Variants in HDAC9 observed in about 807,000 individuals in gnomAD.
HDAC9 encodes the protein histone deacetylase 9, also known as MEF-2 interacting transcription repressor (MITR) protein.
A neutral mutation model predicts 139.4 loss-of-function variants in HDAC9; 41 were observed. The ratio of observed to expected loss-of-function variants is 0.29; its 90% CI spans 0.23 to 0.38. HDAC9 has a LOEUF of 0.38. Among genes scored for constraint, HDAC9 ranks in the 10% least tolerant of loss-of-function variants. HDAC9 has a pLI of 1.00. For synonymous variants in HDAC9, 517 were observed against 476.2 expected (o/e 1.09, Z -1.12); for missense variants, 1,147 against 1,297.0 (o/e 0.88, Z 1.78).
intron 25 of HDAC9, among the ~76,000 whole-genome samples, chr7:18,991,410 G>A (rs1178396780): frequency 6.6e-6 from 1 of 152,190 alleles, no homozygotes; most frequent in Non-Finnish European, 1.5e-5. Flanking sequence ...GGAGGCCGAG[G>A]CGGGCAGATC....
intron 1 of HDAC9, among the ~76,000 whole-genome samples, chr7:18,119,956 T>A (rs2128092240): frequency 6.6e-6 from 1 of 152,360 alleles, no homozygotes. Flanking sequence ...TTGTCATGCT[T>A]TCCATCTTTG....
intron 2 of HDAC9, among the ~76,000 whole-genome samples, chr7:18,572,234 A>G (rs1214318387): frequency 2.6e-5 from 4 of 151,758 alleles, no homozygotes; most frequent in South Asian, 2.1e-4. Context: ...TTTCATAATG[A>G]GAGGGAAGTT....
At chr7:18,667,436 C>T (rs754039211) in intron 12 of HDAC9, 91 of 983,636 alleles carry the variant, frequency 9.3e-5, no homozygotes, top group Admixed American at 1.2e-4. Context: ...GGGCATATAC[C>T]GTAACATTCT....
chr7:18,752,674 C>T (rs1788551276), intron 14 of HDAC9, among the ~76,000 whole-genome samples: 1 of 152,018 alleles, frequency 6.6e-6, no homozygotes, highest in South Asian at 2.1e-4. Context: ...GAAATAAGAA[C>T]TCAGTTGTTT....
At chr7:18,541,561 C>A (rs1232319325) in intron 2 of HDAC9, among the ~76,000 whole-genome samples, 1 of 152,026 alleles carries the variant, frequency 6.6e-6, no homozygotes, top group African/African-American at 2.4e-5. Flanking sequence ...TTCTGTGTTA[C>A]TCAGCAACGA....
chr7:18,425,783 A>C (rs1040119208), intron 1 of HDAC9, among the ~76,000 whole-genome samples: 1 of 152,212 alleles, frequency 6.6e-6, no homozygotes, highest in Non-Finnish European at 1.5e-5. Context: ...CCTTTCTAGA[A>C]CGAACTGCAA....
At chr7:18,875,474 GA>G (rs1426834251) in intron 22 of HDAC9, among the ~76,000 whole-genome samples, 1 of 152,120 alleles carries the variant, frequency 6.6e-6, no homozygotes, top group Non-Finnish European at 1.5e-5. Flanking sequence ...AATTTAAAAA[GA>G]ATCAAAGAAA....
At chr7:18,547,202 G>T (rs182862569) in intron 2 of HDAC9, among the ~76,000 whole-genome samples, 219 of 152,318 alleles carry the variant, frequency 1.4e-3, no homozygotes, top group African/African-American at 4.9e-3. Context: ...ACCAATCAGG[G>T]TGGTGGTTGC....
chr7:18,676,372 G>T (rs1584817321), intron 12 of HDAC9, among the ~76,000 whole-genome samples: 1 of 151,792 alleles, frequency 6.6e-6, no homozygotes, highest in South Asian at 2.1e-4. Flanking sequence ...CTCTAGTTAG[G>T]TAAATGCTCA....
chr7:18,552,553 A>G (rs774601999), intron 2 of HDAC9, among the ~76,000 whole-genome samples: 1 of 152,036 alleles, frequency 6.6e-6, no homozygotes, highest in African/African-American at 2.4e-5. Flanking sequence ...CTGCTTCTTT[A>G]TTTCAGGGAA....
chr7:18,995,904 C>G, intron 25 of HDAC9, 119 bp from the exon 26 acceptor site: 1 of 668,250 alleles, frequency 1.5e-6, no homozygotes. Context: ...TTATGGATAA[C>G]TGAATAACAC....
chr7:18,338,051 T>C (rs1201021697), intron 1 of HDAC9, among the ~76,000 whole-genome samples: 1 of 151,800 alleles, frequency 6.6e-6, no homozygotes, highest in African/African-American at 2.4e-5. Flanking sequence ...TTTTTCACTA[T>C]TGTTTTGATA....
At chr7:18,367,284 A>T (rs1024162148) in intron 1 of HDAC9, among the ~76,000 whole-genome samples, 2 of 152,104 alleles carry the variant, frequency 1.3e-5, no homozygotes, top group Non-Finnish European at 2.9e-5. Flanking sequence ...ATCAAGCTGG[A>T]TGGGAGCCAT....
chr7:18,215,631 A>G (rs1411013512), intron 2 of HDAC9, among the ~76,000 whole-genome samples: 1 of 152,176 alleles, frequency 6.6e-6, no homozygotes. Context: ...GGCATTTGGC[A>G]CCAAAAGGGG....
intron 12 of HDAC9, among the ~76,000 whole-genome samples, chr7:18,670,721 T>C (rs1795619317): frequency 6.6e-6 from 1 of 152,034 alleles, no homozygotes; most frequent in African/African-American, 2.4e-5. Context: ...GTGCAACGAT[T>C]CTTTATATCT....
In HDAC9 at chr7:18,727,463, T is replaced by G. The variant is rs1785641073; in HGVS notation, c.1732-117T>G. ...TTCTCTATTTTTTTTTTCTTTTTCC[T>G]TCACACCGTTTATTATGTCTCTGAC... On this transcript the variant is annotated intron_variant, in intron 12 of 25. Transcript: ENST00000686413. 3 of 820,908 alleles carry G rather than the reference T, an allele frequency of 3.7e-6. No individual in the cohort carries two copies. In the East Asian group the frequency reaches 9.3e-5, roughly 25 times the overall value. The allele number at this position is 820,908 out of a possible 1,614,324, so 50.9% of individuals were successfully genotyped here. A position where few individuals can be genotyped will look rare whatever the true frequency, so the allele number is the denominator to read the frequency against.
chr7:18,479,701 C>T (rs1336083169), intron 1 of HDAC9, among the ~76,000 whole-genome samples: 1 of 152,076 alleles, frequency 6.6e-6, no homozygotes, highest in Admixed American at 6.5e-5. Context: ...TATCCATGGA[C>T]AAAATGTATC....
chr7:18,843,482 G>C (rs185256460), intron 21 of HDAC9, among the ~76,000 whole-genome samples: 86 of 152,134 alleles, frequency 5.7e-4, no homozygotes, highest in Non-Finnish European at 1.0e-3. Context: ...AGAATGGAAG[G>C]TAAACATAAT....
At chr7:18,875,668 A>G (rs1421128003) in intron 22 of HDAC9, among the ~76,000 whole-genome samples, 2 of 152,192 alleles carry the variant, frequency 1.3e-5, no homozygotes, top group Non-Finnish European at 2.9e-5. Context: ...AAAGACAAAC[A>G]AAGCAAAATA....
Sources: gnomAD v4.1 joint callset for allele counts (sites outside exome capture counted in the v4.1 genomes callset) on GRCh38, gnomAD v4.1.1 for gene constraint, MANE v1.5 for transcripts, NCBI Gene and HGNC (gene_info 2026-07-23, HGNC 2026-07-21) for gene names.